NAV2: variants seen among roughly 807,000 people sequenced by gnomAD.
NAV2 encodes helicase, APC down-regulated 1.
NAV2 carries 54 observed loss-of-function variants against 223.2 expected under a neutral mutation model. The observed-to-expected ratio is 0.24, with a 90% CI of 0.19 to 0.30. NAV2 has a LOEUF of 0.30. Among genes scored for constraint, NAV2 ranks in the 10% least tolerant of loss-of-function variants. The pLI, the probability that NAV2 is intolerant of heterozygous loss-of-function variation, is 1.00. For missense variants in NAV2, 2,806 were observed against 3,147.5 expected (o/e 0.89, Z 2.60); for synonymous variants, 1,279 against 1,239.3 (o/e 1.03, Z -0.67).
At chr11:19,456,478 C>A (rs1472261742) in intron 1 of NAV2, among the ~76,000 whole-genome samples, 2 of 152,176 alleles carry the variant, frequency 1.3e-5, no homozygotes, top group South Asian at 4.1e-4. Flanking sequence ...TAAATAGGAG[C>A]CACAGAGAGG....
At chr11:19,724,317 A>G (rs1342318586) in intron 1 of NAV2, among the ~76,000 whole-genome samples, 1 of 152,198 alleles carries the variant, frequency 6.6e-6, no homozygotes, top group Non-Finnish European at 1.5e-5. Flanking sequence ...GCCCTATGCT[A>G]TATATTTTTT....
intron 23 of NAV2, 138 bp downstream of exon 23, chr11:20,077,773 A>G (rs1224458539): frequency 2.7e-6 from 2 of 752,608 alleles, no homozygotes; most frequent in East Asian, 2.7e-5. Flanking sequence ...AAGGAGTCCA[A>G]TCTGTTGAGT....
intron 1 of NAV2, among the ~76,000 whole-genome samples, chr11:19,384,282 T>A (rs1387526612): frequency 6.6e-6 from 1 of 152,248 alleles, no homozygotes; most frequent in Non-Finnish European, 1.5e-5. Flanking sequence ...TTTGGTTATA[T>A]GTAGTTTCAC....
intron 36 of NAV2, among the ~76,000 whole-genome samples, chr11:20,110,412 C>A (rs2062522410): frequency 6.6e-6 from 1 of 152,100 alleles, no homozygotes. Context: ...TTTTTGAGGG[C>A]CTGCTACTTG....
At position 20,055,896 on chromosome 11, in the gene NAV2, C is replaced by T. The variant is rs1330731980; in HGVS notation, c.4770C>T (p.Ser1590=). Residue 1590 remains serine, a synonymous_variant, in exon 19 of 38, where the codon TCC becomes TCT. Coordinates refer to ENST00000349880, the MANE Select transcript of NAV2 (RefSeq NM_145117.5). ...GCCGCTTCCGGAATAGCTCCATGTC[C>T]CTGGATGAGAAGAGCAGAACCATGA... ...TDSRFRNSSM[S]LDEKSRTMSR... is the part of the protein sequence containing the mutation. 2 of 1,614,056 alleles carry T rather than the reference C, an allele frequency of 1.2e-6. No homozygotes were observed. Among genetic ancestry groups the T allele is most frequent in the Non-Finnish European group, 1.7e-6 (2 of 1,180,040 alleles).
At chr11:19,679,430 C>CAAAAAAAACAAAAACA in intron 1 of NAV2, among the ~76,000 whole-genome samples, 1 of 114,122 alleles carries the variant, frequency 8.8e-6, no homozygotes, top group Non-Finnish European at 1.9e-5. Flanking sequence ...GACTCTGTCT[C>CAAAAAAAACAAAAACA]AAAAAAACAC....
chr11:19,736,569 G>T (rs976036154), intron 1 of NAV2, among the ~76,000 whole-genome samples: 1 of 152,202 alleles, frequency 6.6e-6, no homozygotes, highest in African/African-American at 2.4e-5. Flanking sequence ...CCAGGGAAAG[G>T]CATGGAGGCC....
chr11:19,987,889 C>G (rs1313298000), intron 11 of NAV2, among the ~76,000 whole-genome samples: 1 of 152,168 alleles, frequency 6.6e-6, no homozygotes, highest in African/African-American at 2.4e-5. Flanking sequence ...TATTACACAT[C>G]ATAGGCTCCA....
intron 1 of NAV2, among the ~76,000 whole-genome samples, chr11:19,583,450 TG>T (rs1168992560): frequency 2.0e-5 from 3 of 152,216 alleles, no homozygotes; most frequent in Non-Finnish European, 4.4e-5. Context: ...ATCCCTGTCT[TG>T]TGCCAGTTTT....
chr11:19,956,479 C>A (rs2047891422), intron 10 of NAV2, among the ~76,000 whole-genome samples: 1 of 152,098 alleles, frequency 6.6e-6, no homozygotes, highest in African/African-American at 2.4e-5. Context: ...TCCAACTTGG[C>A]TGCAAATCAG....
Position 19,933,485 on chromosome 11 carries a change from C to T in NAV2, c.1241C>T (p.Ser414Leu). 1 of 1,610,926 alleles carries T rather than the reference C, an allele frequency of 6.2e-7. No individual in the cohort carries two copies. The highest frequency in any genetic ancestry group is 8.5e-7 in the Non-Finnish European group (1 of 1,178,746). The change falls in exon 7 of 38, where the codon TCA becomes TTA. Residue 414 changes from serine (S) to leucine (L), a missense_variant. This residue lies in a region of NAV2 where 1,167 missense variants were observed against 1,180.5 expected (regional missense o/e 0.99). Transcript: ENST00000349880. The surrounding 1 kb of genome is among the most constrained non-coding windows in gnomAD (Gnocchi z 4.3). Reference sequence around the variant, plus strand: ...AAACTTTTCAACAGTAAAGGGGGCTCAAAGGCAGGTGAGGGGCCGGGGTCC... The same window carrying T: ...AAACTTTTCAACAGTAAAGGGGGCTTAAAGGCAGGTGAGGGGCCGGGGTCC... ...KLKLFNSKGG[S>L]KAGEGPGSRD...
chr11:19,621,139 G>A (rs907214931), intron 1 of NAV2, among the ~76,000 whole-genome samples: 4 of 152,174 alleles, frequency 2.6e-5, no homozygotes, highest in Non-Finnish European at 4.4e-5. Flanking sequence ...TAAGCTTTTC[G>A]ATGTGCTGCT....
At chr11:19,818,422 C>T (rs1212876642) in intron 1 of NAV2, among the ~76,000 whole-genome samples, 3 of 151,678 alleles carry the variant, frequency 2.0e-5, no homozygotes, top group African/African-American at 7.3e-5. Flanking sequence ...TACAGTAGTG[C>T]ATTATTATAT....
intron 22 of NAV2, among the ~76,000 whole-genome samples, chr11:20,075,346 C>G (rs1217549852): frequency 6.6e-6 from 1 of 152,026 alleles, no homozygotes; most frequent in Non-Finnish European, 1.5e-5. Flanking sequence ...GCCTCAGCCT[C>G]CCGAGTAGCT....
intron 1 of NAV2, among the ~76,000 whole-genome samples, chr11:19,443,954 G>A (rs1851494278): frequency 2.0e-5 from 3 of 152,026 alleles, no homozygotes; most frequent in Admixed American, 6.6e-5. Flanking sequence ...TTTTTGAGAC[G>A]GAGTCTTGTT....
Position 20,005,253 on chromosome 11 carries a change from A to ATATATAT in NAV2, c.2768+21007_2768+21008insATATATT, listed in dbSNP as rs1277010848. 8.6e-3 allele frequency among the ~76,000 whole-genome samples: 1,151 copies of ATATATAT among 134,488 alleles called. 14 individuals are homozygous for ATATATAT. Among genetic ancestry groups the ATATATAT allele is most frequent in the African/African-American group, 0.031 (1,097 of 35,714 alleles). The allele number at this position is 134,488 out of a possible 152,430, so 88.2% of individuals were successfully genotyped here. A position where few individuals can be genotyped will look rare whatever the true frequency, so the allele number is the denominator to read the frequency against. On this transcript the variant is annotated intron_variant, in intron 11 of 37. Coordinates refer to ENST00000349880, the MANE Select transcript of NAV2 (RefSeq NM_145117.5). ...GAGTTTTAATCATATATATATATAT[A>ATATATAT]TTTTTTTTTTTTTTTGAGATGGAGT... is the stretch of plus-strand genomic sequence containing the variant.
chr11:20,061,022 G>A (rs939831257), intron 19 of NAV2, among the ~76,000 whole-genome samples: 6 of 152,162 alleles, frequency 3.9e-5, no homozygotes, highest in Admixed American at 2.0e-4. Flanking sequence ...TTTAGTACAC[G>A]TGGAAGTTAC....
At chr11:19,803,651 T>C (rs76983593) in intron 1 of NAV2, among the ~76,000 whole-genome samples, 1,643 of 152,352 alleles carry the variant, frequency 0.011, 48 homozygotes, top group African/African-American at 0.037. Context: ...GCAGGGAAGA[T>C]GCTTGTGAGA....
intron 1 of NAV2, among the ~76,000 whole-genome samples, chr11:19,469,677 C>G (rs925348019): frequency 6.6e-6 from 1 of 152,028 alleles, no homozygotes. Flanking sequence ...AAAGCGCAGG[C>G]AAAAAGAAGG....
Sources: gnomAD v4.1 joint callset for allele counts (sites outside exome capture counted in the v4.1 genomes callset) on GRCh38, gnomAD v4.1.1 for gene constraint, gnomAD v4.1.1 regional missense constraint, Gnocchi (gnomAD v3.1) non-coding constraint, MANE v1.5 for transcripts, NCBI Gene and HGNC (gene_info 2026-07-23, HGNC 2026-07-21) for gene names.